The following WWOX variants were observed in gnomAD, a reference collection of about 807,000 sequenced individuals.
WWOX encodes WW domain containing oxidoreductase, also known as WW domain-containing oxidoreductase.
A neutral mutation model predicts 46.2 loss-of-function variants in WWOX; 69 were observed. The ratio of observed to expected loss-of-function variants is 1.49; its 90% CI spans 1.23 to 1.82. The LOEUF is 1.82. WWOX is among the 40% of genes most tolerant of loss of function. The pLI is 0.00. For missense variants in WWOX, 919 were observed against 542.6 expected, an observed-to-expected ratio of 1.69 and a Z score of -6.89; for synonymous variants, 359 against 202.6, an observed-to-expected ratio of 1.77 and a Z score of -6.56.
chr16:78,578,920 G>A (rs1163383371), intron 8 of WWOX, among the ~76,000 whole-genome samples: 1 of 152,188 alleles, frequency 6.6e-6, no homozygotes, highest in African/African-American at 2.4e-5. Context: ...TGCTGTTGTA[G>A]CTTTGTTGAT....
At chr16:78,776,868 A>G (rs1298097537) in intron 8 of WWOX, among the ~76,000 whole-genome samples, 2 of 152,104 alleles carry the variant, frequency 1.3e-5, no homozygotes, top group Non-Finnish European at 2.9e-5. Context: ...CAAGAATAGA[A>G]TGGGGGAACC....
intron 8 of WWOX, among the ~76,000 whole-genome samples, chr16:78,840,168 C>T (rs2052099872): frequency 6.6e-6 from 1 of 152,140 alleles, no homozygotes; most frequent in Admixed American, 6.5e-5. Flanking sequence ...TCCCAGTTGA[C>T]CCTCAGTGTG....
chr16:78,333,067 T>TTTTTTTTTTTTTTG (rs2080800787), intron 5 of WWOX, among the ~76,000 whole-genome samples: 1 of 102,550 alleles, frequency 9.8e-6, no homozygotes, highest in Non-Finnish European at 1.9e-5. Context: ...TTTTTTTTTT[T>TTTTTTTTTTTTTTG]GAGACAGAGT....
intron 8 of WWOX, among the ~76,000 whole-genome samples, chr16:78,647,122 A>G (rs963785306): frequency 6.6e-6 from 1 of 152,136 alleles, no homozygotes; most frequent in Non-Finnish European, 1.5e-5. Context: ...CAGTGCCCCA[A>G]TCTGGAGTCC....
chr16:79,130,577 C>G (rs1734051731), intron 8 of WWOX, among the ~76,000 whole-genome samples: 1 of 152,152 alleles, frequency 6.6e-6, no homozygotes, highest in Non-Finnish European at 1.5e-5. Context: ...TTACATTGCT[C>G]AGAAGACTCC....
At chr16:78,173,500 G>A (rs997078888) in intron 5 of WWOX, among the ~76,000 whole-genome samples, 9 of 143,304 alleles carry the variant, frequency 6.3e-5, no homozygotes, top group African/African-American at 1.3e-4. Flanking sequence ...GCTTCACCAC[G>A]TTGCCCAGGC....
chr16:78,913,162 C>T (rs1016188487), intron 8 of WWOX, among the ~76,000 whole-genome samples: 8 of 152,100 alleles, frequency 5.3e-5, no homozygotes, highest in East Asian at 1.9e-4. Context: ...CAGTTGCTGT[C>T]GCTGAGGTAA....
chr16:78,632,639 A>G (rs993443256), intron 8 of WWOX, among the ~76,000 whole-genome samples: 2 of 137,150 alleles, frequency 1.5e-5, no homozygotes, highest in African/African-American at 5.4e-5. Flanking sequence ...GCTCCCTGCA[A>G]CCTCTGCCTC....
chr16:78,629,180 G>A (rs1261894155), intron 8 of WWOX, among the ~76,000 whole-genome samples: 1 of 151,942 alleles, frequency 6.6e-6, no homozygotes, highest in Non-Finnish European at 1.5e-5. Flanking sequence ...TTCCCTTTGG[G>A]GTTCTTATGC....
At chr16:78,418,941 G>C (rs1226098541) in intron 6 of WWOX, among the ~76,000 whole-genome samples, 1 of 151,864 alleles carries the variant, frequency 6.6e-6, no homozygotes, top group Non-Finnish European at 1.5e-5. Flanking sequence ...CCTAGCTAGG[G>C]AAATTGGGCA....
chr16:78,672,435 C>G (rs775755742), intron 8 of WWOX, among the ~76,000 whole-genome samples: 2 of 152,176 alleles, frequency 1.3e-5, no homozygotes, highest in Non-Finnish European at 2.9e-5. Flanking sequence ...TTGACTAAGA[C>G]TGGAATGTGG....
chr16:78,883,805 A>ACAG (rs936333114), intron 8 of WWOX, among the ~76,000 whole-genome samples: 4 of 152,124 alleles, frequency 2.6e-5, no homozygotes, highest in African/African-American at 9.7e-5. Context: ...AAGACAATAA[A>ACAG]CAGCGTGGAG....
intron 8 of WWOX, among the ~76,000 whole-genome samples, chr16:78,666,647 T>G (rs576579626): frequency 2.0e-5 from 3 of 152,196 alleles, no homozygotes; most frequent in Non-Finnish European, 2.9e-5. Flanking sequence ...ATCTGCTGAT[T>G]GGCAAGGTCA....
chr16:78,555,399 G>A (rs181756052), intron 8 of WWOX, among the ~76,000 whole-genome samples: 31 of 152,234 alleles, frequency 2.0e-4, no homozygotes, highest in African/African-American at 7.5e-4. Context: ...AAGGCGATGT[G>A]TATAGCATAC....
At chr16:78,888,706 C>T (rs925352718) in intron 8 of WWOX, among the ~76,000 whole-genome samples, 1 of 152,168 alleles carries the variant, frequency 6.6e-6, no homozygotes, top group Non-Finnish European at 1.5e-5. Context: ...TCCCTTTGCT[C>T]ATCTCTAGAC....
chr16:78,645,209 G>C (rs542283484), intron 8 of WWOX, among the ~76,000 whole-genome samples: 1 of 152,042 alleles, frequency 6.6e-6, no homozygotes, highest in African/African-American at 2.4e-5. Context: ...GCGTGGTCTT[G>C]TTCTACCCTT....
intron 8 of WWOX, among the ~76,000 whole-genome samples, chr16:78,962,457 G>A (rs79253924): frequency 0.036 from 5,498 of 151,914 alleles, 347 homozygotes; most frequent in African/African-American, 0.13. Context: ...TTACTCTCAG[G>A]GATGACAGTC....
intron 8 of WWOX, among the ~76,000 whole-genome samples, chr16:78,473,270 T>C (rs575841460): frequency 6.6e-6 from 1 of 152,196 alleles, no homozygotes; most frequent in East Asian, 1.9e-4. Context: ...GCTTGGAGTA[T>C]AGACACGTGG....
chr16:78,490,507 C>G (rs948918901), intron 8 of WWOX, among the ~76,000 whole-genome samples: 8 of 152,084 alleles, frequency 5.3e-5, no homozygotes, highest in South Asian at 2.1e-4. Flanking sequence ...AAGGAGGTCA[C>G]GAACATGCGT....
Sources: gnomAD v4.1 joint callset for allele counts (sites outside exome capture counted in the v4.1 genomes callset) on GRCh38, gnomAD v4.1.1 for gene constraint, MANE v1.5 for transcripts, NCBI Gene and HGNC (gene_info 2026-07-23, HGNC 2026-07-21) for gene names.